The following RSRC1 variants were observed in gnomAD, a reference collection of about 807,000 sequenced individuals.
RSRC1 encodes serine/Arginine-related protein 53.
Under a neutral mutation model 49.1 loss-of-function variants are expected in RSRC1, and 39 were observed. The ratio of observed to expected loss-of-function variants is 0.79; its 90% confidence interval spans 0.61 to 1.04. RSRC1 has a LOEUF of 1.04. Among genes scored for constraint, RSRC1 ranks in the 50% least tolerant of loss-of-function variants. RSRC1 has a pLI of 0.00. For missense variants in RSRC1, 388 were observed against 402.4 expected (o/e 0.96, Z 0.31); for synonymous variants, 143 against 130.8 (o/e 1.09, Z -0.63).
chr3:158,129,294 T>C (rs935327417), intron 3 of RSRC1, among the ~76,000 whole-genome samples: 3 of 141,334 alleles, frequency 2.1e-5, no homozygotes, highest in African/African-American at 7.9e-5. Flanking sequence ...CTTTCTTTTT[T>C]TTTTTTTTTT....
chr3:158,489,559 A>G (rs1163623568), intron 7 of RSRC1, among the ~76,000 whole-genome samples: 2 of 152,036 alleles, frequency 1.3e-5, no homozygotes, highest in South Asian at 2.1e-4. Context: ...TTATTTTTAT[A>G]TAATTTATAT....
At chr3:158,341,180 G>T (rs1730216301) in intron 5 of RSRC1, among the ~76,000 whole-genome samples, 1 of 152,170 alleles carries the variant, frequency 6.6e-6, no homozygotes, top group South Asian at 2.1e-4. Context: ...ATTCTCTGGG[G>T]AGAAATTCAA....
chr3:158,180,413 T>G (rs1559931814), intron 3 of RSRC1, among the ~76,000 whole-genome samples: 15 of 78,864 alleles, frequency 1.9e-4, no homozygotes, highest in African/African-American at 6.4e-4. Flanking sequence ...TTTTTTTTTT[T>G]TTTGCCGTGT....
At chr3:158,331,564 C>G (rs1231238964) in intron 5 of RSRC1, among the ~76,000 whole-genome samples, 1 of 151,828 alleles carries the variant, frequency 6.6e-6, no homozygotes, top group Non-Finnish European at 1.5e-5. Flanking sequence ...TCTTCTGTTA[C>G]TTCTAAGCCT....
intron 3 of RSRC1, among the ~76,000 whole-genome samples, chr3:158,180,790 GA>G (rs1352480484): frequency 7.0e-6 from 1 of 142,268 alleles, no homozygotes; most frequent in Non-Finnish European, 1.5e-5. Context: ...GTCATAATTT[GA>G]AGGGATTATA....
chr3:158,389,017 G>T (rs777902174), intron 6 of RSRC1, among the ~76,000 whole-genome samples: 11 of 152,206 alleles, frequency 7.2e-5, no homozygotes, highest in Admixed American at 2.0e-4. Flanking sequence ...TTGTAAAAAT[G>T]TTGAGCAAAC....
intron 3 of RSRC1, among the ~76,000 whole-genome samples, chr3:158,130,709 A>G (rs936316886): frequency 1.3e-5 from 2 of 152,212 alleles, no homozygotes; most frequent in South Asian, 2.1e-4. Context: ...CACTTGTGGC[A>G]TCATTCTGGC....
chr3:158,188,211 A>T (rs989040481), intron 3 of RSRC1, among the ~76,000 whole-genome samples: 7 of 151,550 alleles, frequency 4.6e-5, no homozygotes, highest in African/African-American at 1.7e-4. Context: ...ATATTTAGGA[A>T]TTTTTCTGTT....
intron 6 of RSRC1, among the ~76,000 whole-genome samples, chr3:158,395,378 A>G (rs912699171): frequency 1.3e-5 from 2 of 152,176 alleles, no homozygotes; most frequent in African/African-American, 4.8e-5. Context: ...AGAAACTATC[A>G]AGAGGGTAAA....
chr3:158,360,805 G>A (rs1174209983), intron 6 of RSRC1, among the ~76,000 whole-genome samples: 1 of 152,214 alleles, frequency 6.6e-6, no homozygotes, highest in African/African-American at 2.4e-5. Context: ...GTCTTCCTGA[G>A]CTAAGAGTGC....
At chr3:158,456,618 T>G (rs1011103816) in intron 6 of RSRC1, among the ~76,000 whole-genome samples, 1 of 152,124 alleles carries the variant, frequency 6.6e-6, no homozygotes, top group Non-Finnish European at 1.5e-5. Context: ...GGACAAAGGT[T>G]GTTGATTGGG....
At chr3:158,219,066 AT>A (rs1722099292) in intron 4 of RSRC1, among the ~76,000 whole-genome samples, 1 of 151,618 alleles carries the variant, frequency 6.6e-6, no homozygotes, top group African/African-American at 2.4e-5. Context: ...GTCAAGGAAG[AT>A]TTTCTGGAGG....
At chr3:158,181,025 C>G (rs1050895317) in intron 3 of RSRC1, among the ~76,000 whole-genome samples, 2 of 150,712 alleles carry the variant, frequency 1.3e-5, no homozygotes, top group Non-Finnish European at 3.0e-5. Context: ...AGGCTGATCT[C>G]AAACTACTGA....
intron 4 of RSRC1, among the ~76,000 whole-genome samples, chr3:158,291,754 A>G (rs1460106331): frequency 2.6e-5 from 4 of 152,326 alleles, no homozygotes; most frequent in African/African-American, 7.2e-5. Context: ...CGATTCCTCT[A>G]GACTACTAAA....
intron 4 of RSRC1, among the ~76,000 whole-genome samples, chr3:158,259,224 G>A (rs977242702): frequency 2.6e-5 from 4 of 152,122 alleles, no homozygotes; most frequent in Non-Finnish European, 2.9e-5. Flanking sequence ...GAGGCTTTCC[G>A]AGTATTCATA....
intron 3 of RSRC1, among the ~76,000 whole-genome samples, chr3:158,179,679 G>C (rs1287165244): frequency 6.6e-6 from 1 of 152,044 alleles, no homozygotes; most frequent in Admixed American, 6.6e-5. Context: ...GCTGTTATAA[G>C]AAAAGTTACT....
At chr3:158,483,230 T>A (rs1738687684) in intron 7 of RSRC1, among the ~76,000 whole-genome samples, 2 of 152,060 alleles carry the variant, frequency 1.3e-5, no homozygotes, top group South Asian at 4.1e-4. Context: ...TGCATTAAAT[T>A]AGGTCTATTA....
intron 6 of RSRC1, among the ~76,000 whole-genome samples, chr3:158,434,578 A>T (rs143616732): frequency 2.4e-4 from 37 of 152,130 alleles, no homozygotes; most frequent in African/African-American, 8.7e-4. Flanking sequence ...AGACAGAAGA[A>T]GCAGACAGAT....
chr3:158,253,847 T>C (rs928961195), intron 4 of RSRC1, among the ~76,000 whole-genome samples: 1 of 152,112 alleles, frequency 6.6e-6, no homozygotes, highest in Non-Finnish European at 1.5e-5. Flanking sequence ...ACGTGTGTCA[T>C]GTTGGTTTAC....
Sources: allele counts gnomAD v4.1 joint callset (sites outside exome capture counted in the v4.1 genomes callset), GRCh38; gene constraint gnomAD v4.1.1; transcripts MANE v1.5; gene names NCBI Gene and HGNC (gene_info 2026-07-23, HGNC 2026-07-21).